The following GM2A variants were observed in gnomAD, a reference collection of about 807,000 sequenced individuals.
GM2A encodes ganglioside GM2 activator.
Under a neutral mutation model 12.9 loss-of-function variants are expected in GM2A, and 7 were observed. The observed-to-expected ratio is 0.54, with a 90% CI of 0.31 to 1.02. GM2A has a LOEUF of 1.02. Among genes scored for constraint, GM2A ranks in the 50% least tolerant of loss-of-function variants. The pLI is 0.05. For synonymous variants in GM2A, 101 were observed against 96.0 expected (o/e 1.05, Z -0.30); for missense variants, 246 against 241.0 (o/e 1.02, Z -0.14).
In GM2A at chr5:151,268,706, C is replaced by G; in HGVS notation, c.*1255C>G. ...CAAAAAAAAAGTTTCAATGTTTACT[C>G]CTAGAGAAGCCAAAAATCCAGATTT... On this transcript the variant is annotated 3_prime_UTR_variant, in exon 4 of 4. Coordinates refer to ENST00000357164, the MANE Select transcript of GM2A (RefSeq NM_000405.5). The G allele has an allele frequency of 1.9e-6, 1 of 536,854 alleles. No homozygotes were observed. Among genetic ancestry groups the G allele is most frequent in the Non-Finnish European group, 2.4e-6 (1 of 422,278 alleles). The allele number at this position is 536,854 out of a possible 1,614,324, so 33.3% of individuals were successfully genotyped here. A position where few individuals can be genotyped will look rare whatever the true frequency, so the allele number is the denominator to read the frequency against.
chr5:151,255,401 A>T (rs1302078105), intron 1 of GM2A, among the ~76,000 whole-genome samples: 2 of 152,186 alleles, frequency 1.3e-5, no homozygotes, highest in Non-Finnish European at 2.9e-5. Flanking sequence ...GGATAGGTCC[A>T]ACCCTGATCC....
chr5:151,265,812 T>C (rs1024585408), intron 2 of GM2A, among the ~76,000 whole-genome samples: 1 of 152,242 alleles, frequency 6.6e-6, no homozygotes, highest in Non-Finnish European at 1.5e-5. Context: ...CAAGAGTCTT[T>C]TGTAGCTTTC....
chr5:151,257,812 G>A (rs958850816), intron 1 of GM2A, among the ~76,000 whole-genome samples: 1 of 152,194 alleles, frequency 6.6e-6, no homozygotes, highest in South Asian at 2.1e-4. Flanking sequence ...GCACTTACAT[G>A]TCTGACTCCG....
chr5:151,267,488 G>A lies in GM2A; in HGVS notation c.*37G>A. ...CCACAGCAGAATGGAGCGGTGTGAGGAAGGTCCCTTTTCCTCTGTTTTGTG... is the reference window on the plus strand; with the variant it reads ...CCACAGCAGAATGGAGCGGTGTGAGAAAGGTCCCTTTTCCTCTGTTTTGTG... On this transcript the variant is annotated 3_prime_UTR_variant, in exon 4 of 4. Transcript: ENST00000357164. 1 of 1,613,848 alleles carries A rather than the reference G, an allele frequency of 6.2e-7. No individual in the cohort carries two copies. The highest frequency in any genetic ancestry group is 1.7e-4 in the Middle Eastern group (1 of 6,060).
In GM2A at chr5:151,267,637, C is replaced by T. The variant is rs1304549192; in HGVS notation, c.*186C>T. On this transcript the variant is annotated 3_prime_UTR_variant, in exon 4 of 4. Coordinates refer to ENST00000357164, the MANE Select transcript of GM2A (RefSeq NM_000405.5). ...TTAGGCTGGGGCAAGCAGCCCTGAC[C>T]TAAGGGAGAATGAGTTGGACAGTTC... 1.3e-6 allele frequency: 2 copies of T among 1,514,840 alleles called. No individual in the cohort carries two copies. The highest frequency in any genetic ancestry group is 1.8e-6 in the Non-Finnish European group (2 of 1,133,130). 93.8% of individuals were successfully genotyped at this position (1,514,840 alleles called of 1,614,324 possible). A position where few individuals can be genotyped will look rare whatever the true frequency, so the allele number is the denominator to read the frequency against.
At position 151,257,996 on chromosome 5, in the gene GM2A, T is replaced by G. The variant is rs574402833; in HGVS notation, c.82-1759T>G. Among the ~76,000 whole-genome samples the G allele has an allele frequency of 5.9e-5, 9 of 152,362 alleles. No homozygotes were observed. In the South Asian group the frequency reaches 1.9e-3, roughly 32 times the overall value. ...TCCTCAAGGCAGGGCAGGAGCCAGG[T>G]CTGATTGTTTACCACTCTTGCCACA... On this transcript the variant is annotated intron_variant, in intron 1 of 3. Coordinates refer to ENST00000357164, the MANE Select transcript of GM2A (RefSeq NM_000405.5).
chr5:151,261,075 A>C (rs1441011576), intron 2 of GM2A, among the ~76,000 whole-genome samples: 1 of 152,134 alleles, frequency 6.6e-6, no homozygotes, highest in African/African-American at 2.4e-5. Flanking sequence ...CTCAGGCTGG[A>C]GTGCAGTAGT....
At position 151,266,783 on chromosome 5, in the gene GM2A, G is replaced by A. The variant is rs751417546; in HGVS notation, c.296G>A (p.Cys99Tyr). 5 of 1,613,738 alleles carry A rather than the reference G, an allele frequency of 3.1e-6. No individual in the cohort carries two copies. Among genetic ancestry groups the A allele is most frequent in the Non-Finnish European group, 4.2e-6 (5 of 1,179,640 alleles). ...GCTGGCCTCTGGATCAAGATCCCATGCACAGACTACATTGGCAGCTGTACC... is the reference window on the plus strand; with the variant it reads ...GCTGGCCTCTGGATCAAGATCCCATACACAGACTACATTGGCAGCTGTACC... ...EVAGLWIKIP[C>Y]TDYIGSCTFE... The change falls in exon 3 of 4, where the codon TGC (cysteine) becomes TAC (tyrosine). Residue 99 changes from cysteine to tyrosine, a missense_variant. Transcript: ENST00000357164.
rs879332294 is a variant in GM2A, at chr5:151,268,658, G to A, written c.*1207G>A. The A allele has an allele frequency of 2.7e-5, 18 of 677,352 alleles. No individual in the cohort carries two copies. The African/African-American group carries it at 2.8e-4, about 10-fold the overall frequency. The allele number at this position is 677,352 out of a possible 1,614,324, so 42.0% of individuals were successfully genotyped here. A position where few individuals can be genotyped will look rare whatever the true frequency, so the allele number is the denominator to read the frequency against. On this transcript the variant is annotated 3_prime_UTR_variant, in exon 4 of 4. Coordinates refer to ENST00000357164, the MANE Select transcript of GM2A (RefSeq NM_000405.5). ...CCAGATACTGGCAATACTCCAGCCT[G>A]GTGACAGAGTGAGACTCTGTCTCAA...
In GM2A at chr5:151,269,877, C is replaced by A; in HGVS notation, c.*2426C>A. 1.5e-6 allele frequency: 1 copy of A among 678,040 alleles called. No homozygotes were observed. The highest frequency in any genetic ancestry group is 1.9e-6 in the Non-Finnish European group (1 of 518,760). 42.0% of individuals were successfully genotyped at this position (678,040 alleles called of 1,614,324 possible). ...ATACCTTTCCTTTTTCAAACCTATA[C>A]TGTTGTTGGTGAATTCTTTTTACCA... is the stretch of plus-strand genomic sequence containing the variant. On this transcript the variant is annotated 3_prime_UTR_variant, in exon 4 of 4. Coordinates refer to ENST00000357164, the MANE Select transcript of GM2A (RefSeq NM_000405.5).
At chr5:151,254,537 G>T (rs1444890119) in intron 1 of GM2A, among the ~76,000 whole-genome samples, 1 of 152,152 alleles carries the variant, frequency 6.6e-6, no homozygotes, top group Admixed American at 6.5e-5. Context: ...GAGATTTATT[G>T]CACACCAGGG....
At chr5:151,263,762 C>T (rs1010235645) in intron 2 of GM2A, among the ~76,000 whole-genome samples, 5 of 152,142 alleles carry the variant, frequency 3.3e-5, no homozygotes, top group African/African-American at 1.2e-4. Context: ...CTCTTGGGGT[C>T]CATGGGGCTT....
chr5:151,258,986 G>A (rs1287249745), intron 1 of GM2A, among the ~76,000 whole-genome samples: 1 of 152,100 alleles, frequency 6.6e-6, no homozygotes, highest in Non-Finnish European at 1.5e-5. Context: ...CGGAGTGGTG[G>A]TCACATGCAG....
intron 1 of GM2A, among the ~76,000 whole-genome samples, chr5:151,254,974 C>T (rs373391246): frequency 1.5e-4 from 23 of 152,212 alleles, no homozygotes; most frequent in African/African-American, 3.1e-4. Context: ...GCAGTGTACC[C>T]CATAAATGTA....
At chr5:151,266,039 T>C (rs924408728) in intron 2 of GM2A, among the ~76,000 whole-genome samples, 3 of 152,276 alleles carry the variant, frequency 2.0e-5, no homozygotes, top group Middle Eastern at 3.4e-3. Flanking sequence ...TGAAGTCCTA[T>C]GCAGAAAAGG....
At chr5:151,264,448 G>A (rs1753848506) in intron 2 of GM2A, among the ~76,000 whole-genome samples, 1 of 152,186 alleles carries the variant, frequency 6.6e-6, no homozygotes, top group Non-Finnish European at 1.5e-5. Flanking sequence ...AGGAGCCCTG[G>A]CAGGACTTGT....
At chr5:151,257,917 T>G (rs1215435520) in intron 1 of GM2A, among the ~76,000 whole-genome samples, 5 of 152,220 alleles carry the variant, frequency 3.3e-5, no homozygotes, top group Non-Finnish European at 7.3e-5. Flanking sequence ...CTCTTTTCCT[T>G]TGTGGCACTC....
chr5:151,266,811 T>C lies in GM2A; in HGVS notation c.324T>C (p.Phe108=). The part of the protein sequence containing the change: ...PCTDYIGSCT[F]EHFCDVLDML... ...CAGACTACATTGGCAGCTGTACCTT[T>C]GAACACTTCTGTGATGTGCTTGACA... is the stretch of plus-strand genomic sequence containing the variant. The change falls in exon 3 of 4, where the codon TTT becomes TTC. Residue 108 remains phenylalanine (F), a synonymous_variant. Transcript: ENST00000357164. The C allele has an allele frequency of 6.2e-7, 1 of 1,613,898 alleles. No homozygotes were observed. Among genetic ancestry groups the C allele is most frequent in the Non-Finnish European group, 8.5e-7 (1 of 1,179,748 alleles).
At chr5:151,253,889 C>T (rs529521659) in intron 1 of GM2A, among the ~76,000 whole-genome samples, 1 of 152,348 alleles carries the variant, frequency 6.6e-6, no homozygotes, top group East Asian at 1.9e-4. Flanking sequence ...CTTCACTTCT[C>T]ATTCACACCG....
Sources: allele counts gnomAD v4.1 joint callset (sites outside exome capture counted in the v4.1 genomes callset), GRCh38; gene constraint gnomAD v4.1.1; transcripts MANE v1.5; gene names NCBI Gene and HGNC (gene_info 2026-07-23, HGNC 2026-07-21).